The following PHEX variants were observed in gnomAD, a reference collection of about 807,000 sequenced individuals.
The protein encoded by PHEX is phosphate regulating endopeptidase X-linked.
PHEX carries 16 observed loss-of-function variants against 68.0 expected under a neutral mutation model. The ratio of observed to expected loss-of-function variants is 0.24; its 90% CI spans 0.16 to 0.36. The LOEUF (loss-of-function observed/expected upper bound fraction) is 0.36. Among genes scored for constraint, PHEX ranks in the 10% least tolerant of loss-of-function variants. The pLI is 1.00. For missense variants in PHEX, 480 were observed against 575.5 expected (o/e 0.83, Z 1.70); for synonymous variants, 208 against 205.1 (o/e 1.01, Z -0.12).
chrX:22,211,852 C>T (rs1448348860), intron 15 of PHEX, among the ~76,000 whole-genome samples: 3 of 111,790 alleles, frequency 2.7e-5, no homozygotes, highest in Non-Finnish European at 5.6e-5. Context: ...TGGCGGCAGG[C>T]AAGAGAGCTT....
At chrX:22,122,682 C>A (rs906940909) in intron 11 of PHEX, among the ~76,000 whole-genome samples, 1 of 111,738 alleles carries the variant, frequency 8.9e-6, no homozygotes, top group South Asian at 3.7e-4. Flanking sequence ...GTGGTGGGCC[C>A]CCATGCAGCT....
intron 6 of PHEX, among the ~76,000 whole-genome samples, chrX:22,092,749 C>CTTTTTTTTTTTTTTTTTTT (rs370527485): frequency 2.3e-4 from 18 of 77,947 alleles, no homozygotes; most frequent in Admixed American, 3.0e-4. Context: ...TTCTTTCTTT[C>CTTTTTTTTTTTTTTTTTTT]TTTTTTTTTT....
chrX:22,177,978 T>G (rs143470213), intron 13 of PHEX, among the ~76,000 whole-genome samples: 198 of 112,478 alleles, frequency 1.8e-3, no homozygotes, highest in African/African-American at 6.1e-3. Context: ...AAGGTTGAAG[T>G]AGATTTTTCA....
In PHEX at chrX:22,162,216, C is replaced by T. The variant is rs1234034549; in HGVS notation, c.1405-6096C>T. 2.7e-5 allele frequency among the ~76,000 whole-genome samples: 3 copies of T among 112,284 alleles called. No individual in the cohort carries two copies. The East Asian group carries it at 8.4e-4, about 32-fold the overall frequency. ...GCAAATAGCCTGGATTCTTTTGACT[C>T]ATATGCAGAGTCTGGCTTTGCTAGG... is the stretch of plus-strand genomic sequence containing the variant. On this transcript the variant is annotated intron_variant, in intron 12 of 21. Coordinates refer to ENST00000379374, the MANE Select transcript of PHEX (RefSeq NM_000444.6).
chrX:22,243,188 C>T (rs886491114), intron 20 of PHEX, among the ~76,000 whole-genome samples: 50 of 111,774 alleles, frequency 4.5e-4, no homozygotes, highest in African/African-American at 1.6e-3. Context: ...GGAAAAGATT[C>T]TGTATTTAAT....
At chrX:22,036,035 C>CATATATAT (rs766728299) in intron 1 of PHEX, among the ~76,000 whole-genome samples, 8 of 41,867 alleles carry the variant, frequency 1.9e-4, no homozygotes, top group East Asian at 9.9e-4. Context: ...CACACACGTA[C>CATATATAT]ATATATATAT....
intron 10 of PHEX, among the ~76,000 whole-genome samples, chrX:22,113,005 T>TGTGTGTGTGTGTGTGTG (rs1931049468): frequency 1.1e-5 from 1 of 88,693 alleles, no homozygotes; most frequent in Non-Finnish European, 2.3e-5. Context: ...CAAGTAGGTT[T>TGTGTGTGTGTGTGTGTG]TGTGTGTGTG....
chrX:22,130,548 C>CAAAA (rs35621431), intron 11 of PHEX, among the ~76,000 whole-genome samples: 37 of 30,173 alleles, frequency 1.2e-3, no homozygotes, highest in African/African-American at 3.4e-3. Context: ...GACTCATTCT[C>CAAAA]AAAAAAAAAA....
At chrX:22,055,307 AT>A (rs1198653471) in intron 3 of PHEX, among the ~76,000 whole-genome samples, 2 of 109,567 alleles carry the variant, frequency 1.8e-5, no homozygotes, top group African/African-American at 3.3e-5. Context: ...AGATTTGATC[AT>A]TACACATTGT....
chrX:22,224,947 A>AATTATCATAGAGGGCTGTATGATTT (rs1935399085), intron 18 of PHEX, among the ~76,000 whole-genome samples: 1 of 23,247 alleles, frequency 4.3e-5, no homozygotes, highest in Non-Finnish European at 7.9e-5. Flanking sequence ...AAATAACATA[A>AATTATCATAGAGGGCTGTATGATTT]ATTATCATAC....
At chrX:22,154,775 G>C (rs1932914741) in intron 12 of PHEX, among the ~76,000 whole-genome samples, 1 of 112,151 alleles carries the variant, frequency 8.9e-6, no homozygotes, top group South Asian at 3.7e-4. Context: ...ACGTGACACA[G>C]ATGCTGCCAG....
rs758803145 is a variant in PHEX, at chrX:22,232,832, C to T, written c.2070+5221C>T. On this transcript the variant is annotated intron_variant, in intron 20 of 21. Transcript: ENST00000379374. ...ATATTGTTACGTGTGAATTTGATCC[C>T]GTCATTATGCTGCTACCTGGATATT... 6.0e-4 allele frequency among the ~76,000 whole-genome samples: 66 copies of T among 109,142 alleles called. 1 individual carries two copies. The highest frequency in any genetic ancestry group is 1.1e-3 in the Non-Finnish European group (60 of 52,525). 94.8% of individuals were successfully genotyped at this position (109,142 alleles called of 115,157 possible).
chrX:22,176,398 AAAAAATATATAT>A lies in PHEX; in HGVS notation c.1483-1873_1483-1862del, dbSNP rs1384732536. On this transcript the variant is annotated intron_variant, in intron 13 of 21. Coordinates refer to ENST00000379374, the MANE Select transcript of PHEX (RefSeq NM_000444.6). ...CGAGACTGTCTCAAAAAAAAAAAAA[AAAAAATATATAT>A]ATATATATATATATATGTATGTATA... Among the ~76,000 whole-genome samples, 502 of 68,140 alleles carry A rather than the reference AAAAAATATATAT, an allele frequency of 7.4e-3. 5 individuals are homozygous for A. Among genetic ancestry groups the A allele is most frequent in the African/African-American group, 0.043 (475 of 11,132 alleles). The allele number at this position is 68,140 out of a possible 115,157, so 59.2% of individuals were successfully genotyped here. A position where few individuals can be genotyped will look rare whatever the true frequency, so the allele number is the denominator to read the frequency against.
At chrX:22,220,494 G>A (rs747236010) in intron 17 of PHEX, among the ~76,000 whole-genome samples, 1 of 110,691 alleles carries the variant, frequency 9.0e-6, no homozygotes, top group East Asian at 2.8e-4. Context: ...TGAGATGAGA[G>A]TCTTAGCTAA....
chrX:22,226,457 G>A lies in PHEX; in HGVS notation c.1914G>A (p.Arg638=). Residue 638 remains arginine, a synonymous_variant, in exon 19 of 22, where the codon AGG becomes AGA. Transcript: ENST00000379374. ...KKAGLNVKGK[R]TLGENIADNG... ...CTTTCTGTTAGGTCAAGGGGAAGAG[G>A]ACCCTGGGAGAAAATATTGCTGATA... The A allele has an allele frequency of 1.7e-6, 2 of 1,203,568 alleles. No homozygotes were observed. Among genetic ancestry groups the A allele is most frequent in the Non-Finnish European group, 2.2e-6 (2 of 889,303 alleles).
intron 12 of PHEX, among the ~76,000 whole-genome samples, chrX:22,147,020 A>G (rs1569411011): frequency 9.0e-6 from 1 of 110,973 alleles, no homozygotes; most frequent in East Asian, 2.8e-4. Flanking sequence ...GGGAAATGCC[A>G]CAATAGCCTC....
At chrX:22,220,750 G>T (rs1935243053) in intron 17 of PHEX, among the ~76,000 whole-genome samples, 1 of 112,174 alleles carries the variant, frequency 8.9e-6, no homozygotes, top group South Asian at 3.7e-4. Context: ...AGGGGGTGGT[G>T]TTAGTAGTAT....
At chrX:22,243,320 A>G (rs750984560) in intron 20 of PHEX, among the ~76,000 whole-genome samples, 1 of 112,537 alleles carries the variant, frequency 8.9e-6, no homozygotes, top group African/African-American at 3.2e-5. Flanking sequence ...ACCTAGGACC[A>G]TAAAAATCCT....
intron 5 of PHEX, 68 bp from the exon 6 acceptor site, chrX:22,090,361 A>T (rs1211239821): frequency 1.2e-6 from 1 of 855,962 alleles, no homozygotes; most frequent in Non-Finnish European, 1.7e-6. Context: ...CGATTTCATC[A>T]CTCTTGTTAA....
Sources: allele counts gnomAD v4.1 joint callset (sites outside exome capture counted in the v4.1 genomes callset), GRCh38; gene constraint gnomAD v4.1.1; transcripts MANE v1.5; gene names NCBI Gene and HGNC (gene_info 2026-07-23, HGNC 2026-07-21).